The following NPLOC4 variants were observed in gnomAD, a reference collection of about 807,000 sequenced individuals.
NPLOC4 encodes the protein nuclear protein localization protein 4 homolog.
A neutral mutation model predicts 80.6 loss-of-function variants in NPLOC4; 18 were observed. That is an observed-to-expected ratio of 0.22 (90% confidence interval 0.15 to 0.33). NPLOC4 has a LOEUF of 0.33. Ranked by LOEUF, NPLOC4 falls within the 10% of genes least tolerant of loss-of-function variation. The pLI is 1.00. For synonymous variants in NPLOC4, 313 were observed against 301.5 expected, an observed-to-expected ratio of 1.04 and a Z score of -0.39; for missense variants, 540 against 786.1, an observed-to-expected ratio of 0.69 and a Z score of 3.74.
At chr17:81,607,792 AG>A (rs900278928) in intron 6 of NPLOC4, among the ~76,000 whole-genome samples, 6 of 152,206 alleles carry the variant, frequency 3.9e-5, no homozygotes, top group African/African-American at 1.4e-4. Context: ...GGTTTCTAGC[AG>A]GTTTTTTCTT....
At chr17:81,628,771 G>A (rs980444711) in intron 2 of NPLOC4, among the ~76,000 whole-genome samples, 10 of 152,012 alleles carry the variant, frequency 6.6e-5, no homozygotes, top group African/African-American at 2.4e-4. Flanking sequence ...TTTTGTGATT[G>A]GTTAAAAAAA....
intron 2 of NPLOC4, among the ~76,000 whole-genome samples, chr17:81,624,256 T>C (rs930640292): frequency 4.0e-5 from 6 of 151,686 alleles, no homozygotes; most frequent in Admixed American, 3.9e-4. Flanking sequence ...CCATTTCTAC[T>C]AAAATACAAA....
Position 81,580,706 on chromosome 17 carries a change from C to T in NPLOC4, c.1281+8238G>A, listed in dbSNP as rs1439236872. 6.6e-6 allele frequency among the ~76,000 whole-genome samples: 1 copy of T among 152,246 alleles called. No individual in the cohort carries two copies. Among genetic ancestry groups the T allele is most frequent in the Non-Finnish European group, 1.5e-5 (1 of 68,036 alleles). On this transcript the variant is annotated intron_variant, in intron 12 of 16. Transcript: ENST00000331134. This position sits in a 1 kb window ranked among gnomAD's most constrained non-coding sequence, Gnocchi z 4.4. The stretch of plus-strand genomic sequence containing the variant: ...CCGTTCCGCTGGGGTGGCCCACCTC[C>T]CCTGCTGCAGCAGTCTCCCCGATGC...
At chr17:81,624,055 C>T (rs886571510) in intron 2 of NPLOC4, among the ~76,000 whole-genome samples, 2 of 152,130 alleles carry the variant, frequency 1.3e-5, no homozygotes, top group African/African-American at 2.4e-5. Context: ...GAGGCCAAGG[C>T]GGGTGGATCA....
At chr17:81,598,187 T>C (rs1322818222) in intron 9 of NPLOC4, among the ~76,000 whole-genome samples, 1 of 152,136 alleles carries the variant, frequency 6.6e-6, no homozygotes, top group South Asian at 2.1e-4. Flanking sequence ...GAAACTCCTT[T>C]TTGTGAGCCA....
rs957697132 is a variant in NPLOC4 at position 81,608,904 on chromosome 17, A to C, written c.436-82T>G. On this transcript the variant is annotated intron_variant, in intron 5 of 16. Transcript: ENST00000331134. ...CTGAGCCTCTGCTACGCACAGGGGG[A>C]GGCCAGCAGCATGGCCTTGGCAAGT... 2.0e-5 allele frequency: 22 copies of C among 1,076,956 alleles called. 1 individual carries two copies. In the East Asian group the frequency reaches 5.8e-4, roughly 28 times the overall value. The allele number at this position is 1,076,956 out of a possible 1,614,324, so 66.7% of individuals were successfully genotyped here. A position where few individuals can be genotyped will look rare whatever the true frequency, so the allele number is the denominator to read the frequency against.
chr17:81,611,597 G>T (rs2035340900), intron 4 of NPLOC4, among the ~76,000 whole-genome samples: 1 of 151,734 alleles, frequency 6.6e-6, no homozygotes, highest in Non-Finnish European at 1.5e-5. Context: ...TGATCCACCT[G>T]CCTCAGCCTC....
intron 8 of NPLOC4, among the ~76,000 whole-genome samples, chr17:81,602,234 C>CA (rs535965218): frequency 2.0e-5 from 3 of 151,540 alleles, no homozygotes; most frequent in Admixed American, 1.3e-4. Flanking sequence ...CAAAACAAAA[C>CA]AAACAAACAA....
Position 81,637,007 on chromosome 17 carries a change from GC to G in NPLOC4, c.-78del. The stretch of plus-strand genomic sequence containing the variant: ...CCCCAAGGGCCTCGCAGACCCGGCC[GC>G]GGCCTCAGCCCCGGCCCCGGCCTCC... On this transcript the variant is annotated 5_prime_UTR_variant, in exon 1 of 17. Transcript: ENST00000331134. 3 of 991,648 alleles carry G rather than the reference GC, an allele frequency of 3.0e-6. No homozygotes were observed. Among genetic ancestry groups the G allele is most frequent in the Non-Finnish European group, 3.9e-6 (3 of 778,818 alleles). The allele number at this position is 991,648 out of a possible 1,614,324, so 61.4% of individuals were successfully genotyped here.
chr17:81,628,074 T>C (rs1405685753), intron 2 of NPLOC4, among the ~76,000 whole-genome samples: 2 of 150,526 alleles, frequency 1.3e-5, no homozygotes, highest in African/African-American at 2.5e-5. Context: ...TAGCCAGGCA[T>C]GGTGGTGGGC....
chr17:81,611,086 G>C (rs1331614111), intron 4 of NPLOC4, among the ~76,000 whole-genome samples: 1 of 152,142 alleles, frequency 6.6e-6, no homozygotes, highest in Non-Finnish European at 1.5e-5. Context: ...TTGGGAGGCT[G>C]AGATGGGTGG....
chr17:81,629,028 G>A (rs546483106), intron 2 of NPLOC4, among the ~76,000 whole-genome samples: 53 of 151,566 alleles, frequency 3.5e-4, no homozygotes, highest in Admixed American at 1.4e-3. Context: ...ACAGGTGCCC[G>A]CCACCACACC....
chr17:81,601,930 G>C (rs1379323904), intron 8 of NPLOC4, among the ~76,000 whole-genome samples: 1 of 152,084 alleles, frequency 6.6e-6, no homozygotes, highest in Non-Finnish European at 1.5e-5. Context: ...GCAGCTGCAG[G>C]GCACCCCAGC....
intron 1 of NPLOC4, among the ~76,000 whole-genome samples, chr17:81,634,671 C>T (rs1238311336): frequency 6.6e-6 from 1 of 151,756 alleles, no homozygotes; most frequent in Non-Finnish European, 1.5e-5. Context: ...CTGCAACCTC[C>T]ACCTCCCGGG....
rs1466061627 is a variant in NPLOC4 at position 81,572,829 on chromosome 17, C to T, written c.1282-741G>A. ...GCTAACTCTTAGAATCTTACTCACACCTCTGAAAACCCGACTTTCCAGAAA... is the reference window on the plus strand; with the variant it reads ...GCTAACTCTTAGAATCTTACTCACATCTCTGAAAACCCGACTTTCCAGAAA... On this transcript the variant is annotated intron_variant, in intron 12 of 16. Transcript: ENST00000331134. This position sits in a 1 kb window ranked among gnomAD's most constrained non-coding sequence, Gnocchi z 4.5. Among the ~76,000 whole-genome samples, 1 of 152,206 alleles carries T rather than the reference C, an allele frequency of 6.6e-6. No homozygotes were observed. The highest frequency in any genetic ancestry group is 1.5e-5 in the Non-Finnish European group (1 of 68,042).
intron 3 of NPLOC4, among the ~76,000 whole-genome samples, chr17:81,621,580 G>A (rs2035668845): frequency 6.6e-6 from 1 of 152,188 alleles, no homozygotes; most frequent in South Asian, 2.1e-4. Context: ...TTCCGTAAAG[G>A]ACCAGTCAAT....
chr17:81,615,100 C>CTTTCTT (rs749807551), intron 3 of NPLOC4, among the ~76,000 whole-genome samples: 48,497 of 133,186 alleles, frequency 0.36, 10,548 homozygotes, highest in East Asian at 0.77. Flanking sequence ...ACGTCTGTTT[C>CTTTCTT]TTTTTTTTTT....
rs565818362 is a variant in NPLOC4 at position 81,589,262 on chromosome 17, G to A, written c.1121-158C>T. On this transcript the variant is annotated intron_variant, in intron 11 of 16. Transcript: ENST00000331134. ...TGTTCAGTAGTCGGCCGGGTGCGGT[G>A]GCTCATGCCTGTAATCCCAGCACTT... 3.3e-5 allele frequency among the ~76,000 whole-genome samples: 5 copies of A among 152,276 alleles called. No individual in the cohort carries two copies. The South Asian group carries it at 6.2e-4, about 19-fold the overall frequency.
intron 1 of NPLOC4, among the ~76,000 whole-genome samples, chr17:81,630,380 A>G (rs2035897250): frequency 6.6e-6 from 1 of 151,998 alleles, no homozygotes; most frequent in Non-Finnish European, 1.5e-5. Flanking sequence ...CTTGACATCC[A>G]AGGTTCAAGT....
Sources: gnomAD v4.1 joint callset for allele counts (sites outside exome capture counted in the v4.1 genomes callset) on GRCh38, gnomAD v4.1.1 for gene constraint, Gnocchi (gnomAD v3.1) non-coding constraint, MANE v1.5 for transcripts, NCBI Gene and HGNC (gene_info 2026-07-23, HGNC 2026-07-21) for gene names.